Variants in SYN3 observed in about 807,000 individuals in gnomAD.
SYN3 encodes the protein synapsin III.
In SYN3, 35 loss-of-function variants were observed where a neutral mutation model predicts 65.8. The observed-to-expected ratio is 0.53, with a 90% CI of 0.41 to 0.70. The LOEUF (loss-of-function observed/expected upper bound fraction) is 0.70, where lower values mean the gene tolerates loss of function less well. Ranked by LOEUF, SYN3 falls within the 30% of genes least tolerant of loss-of-function variation. The probability of loss-of-function intolerance (pLI) is 0.00; values close to 1 mark genes in which losing one functional copy is unlikely to be tolerated. For synonymous variants in SYN3, 270 were observed against 292.9 expected, an observed-to-expected ratio of 0.92 and a Z score of 0.80; for missense variants, 680 against 749.0, an observed-to-expected ratio of 0.91 and a Z score of 1.08.
chr22:32,641,480 C>T (rs1204973955), intron 6 of SYN3, among the ~76,000 whole-genome samples: 3 of 151,422 alleles, frequency 2.0e-5, no homozygotes, highest in Admixed American at 6.6e-5. Context: ...TGGTGGCGGG[C>T]GCCTGTAGTC....
chr22:32,821,629 G>T (rs1231227351), intron 6 of SYN3, among the ~76,000 whole-genome samples: 1 of 152,246 alleles, frequency 6.6e-6, no homozygotes, highest in East Asian at 1.9e-4. Context: ...TCGGATGGAA[G>T]AGCGGAGGCC....
chr22:32,617,396 A>G (rs2059535435), intron 6 of SYN3, among the ~76,000 whole-genome samples: 1 of 151,736 alleles, frequency 6.6e-6, no homozygotes, highest in Non-Finnish European at 1.5e-5. Flanking sequence ...GAACTGGGCA[A>G]TGGGAATACG....
intron 6 of SYN3, among the ~76,000 whole-genome samples, chr22:32,851,100 G>A (rs2048205230): frequency 6.6e-6 from 1 of 152,160 alleles, no homozygotes; most frequent in Admixed American, 6.5e-5. Context: ...CCTGGGGAGA[G>A]AAAAATGGGC....
intron 1 of SYN3, among the ~76,000 whole-genome samples, chr22:33,051,881 G>A (rs558628297): frequency 3.3e-5 from 5 of 152,248 alleles, no homozygotes; most frequent in African/African-American, 4.8e-5. Flanking sequence ...ATAACCTGAC[G>A]AGCTCCCCTC....
chr22:32,542,164 A>G (rs2058266228), intron 7 of SYN3, among the ~76,000 whole-genome samples: 1 of 152,180 alleles, frequency 6.6e-6, no homozygotes, highest in Non-Finnish European at 1.5e-5. Context: ...CTGGAAAGCC[A>G]CTGGAAGAGG....
At chr22:32,650,425 C>T (rs925096351) in intron 6 of SYN3, among the ~76,000 whole-genome samples, 1 of 152,026 alleles carries the variant, frequency 6.6e-6, no homozygotes, top group South Asian at 2.1e-4. Flanking sequence ...TACCTCCATG[C>T]CTGGCTAATT....
At chr22:32,993,258 G>T (rs992937688) in intron 2 of SYN3, among the ~76,000 whole-genome samples, 2 of 152,040 alleles carry the variant, frequency 1.3e-5, no homozygotes, top group African/African-American at 2.4e-5. Context: ...CGGGGATCCA[G>T]GGACCCAACA....
chr22:32,551,927 C>T (rs2058421733), intron 7 of SYN3, among the ~76,000 whole-genome samples: 3 of 152,278 alleles, frequency 2.0e-5, no homozygotes, highest in South Asian at 2.1e-4. Flanking sequence ...AATTATACAG[C>T]GGTGATGCTT....
chr22:32,991,190 GA>G (rs1038977584), intron 2 of SYN3, among the ~76,000 whole-genome samples: 50 of 137,946 alleles, frequency 3.6e-4, no homozygotes, highest in Non-Finnish European at 3.8e-4. Context: ...CTCAAAAAAA[GA>G]AAAAAAAAAA....
chr22:32,899,430 C>T (rs534697219), intron 4 of SYN3, among the ~76,000 whole-genome samples: 117 of 152,056 alleles, frequency 7.7e-4, no homozygotes, highest in Non-Finnish European at 9.8e-4. Flanking sequence ...GACTGGGGAA[C>T]GGAGGCGTTA....
chr22:33,019,371 G>A (rs2053524393), intron 1 of SYN3, among the ~76,000 whole-genome samples: 1 of 152,060 alleles, frequency 6.6e-6, no homozygotes, highest in South Asian at 2.1e-4. Flanking sequence ...ACCTGTAACT[G>A]GGAGCACAGG....
intron 6 of SYN3, among the ~76,000 whole-genome samples, chr22:32,842,815 C>T (rs952728859): frequency 6.6e-6 from 1 of 152,008 alleles, no homozygotes; most frequent in African/African-American, 2.4e-5. Context: ...CTGCTGATGG[C>T]GATGACTTCT....
intron 2 of SYN3, among the ~76,000 whole-genome samples, chr22:32,996,837 G>A (rs1157704054): frequency 2.0e-5 from 3 of 152,204 alleles, no homozygotes; most frequent in Admixed American, 1.3e-4. Flanking sequence ...GCTGCCCGGA[G>A]GGCTCCAGCA....
intron 10 of SYN3, among the ~76,000 whole-genome samples, chr22:32,531,905 CTTTTTTT>C (rs5845007): frequency 8.7e-6 from 1 of 115,476 alleles, no homozygotes; most frequent in African/African-American, 3.5e-5. Flanking sequence ...ACTACTTTTA[CTTTTTTT>C]TTTTTTTTTT....
intron 4 of SYN3, among the ~76,000 whole-genome samples, chr22:32,878,584 T>C (rs753393660): frequency 1.3e-5 from 2 of 152,220 alleles, no homozygotes; most frequent in Admixed American, 6.5e-5. Context: ...GGTACCACCA[T>C]GGTTGAGTGA....
intron 6 of SYN3, among the ~76,000 whole-genome samples, chr22:32,850,720 A>C (rs1418384335): frequency 6.6e-6 from 1 of 152,160 alleles, no homozygotes; most frequent in Non-Finnish European, 1.5e-5. Flanking sequence ...TTGCATCCCT[A>C]GCAATTAGGG....
chr22:32,682,145 A>G (rs1199872383), intron 6 of SYN3, among the ~76,000 whole-genome samples: 1 of 127,932 alleles, frequency 7.8e-6, no homozygotes, highest in African/African-American at 2.7e-5. Flanking sequence ...GATATGGGCA[A>G]TGTCTGGAGA....
In SYN3 at chr22:32,869,040, C is replaced by T. The variant is rs759801014; in HGVS notation, c.547G>A (p.Gly183Ser). The change falls in exon 5 of 14, where the codon GGC (glycine) becomes AGC (serine). Residue 183 changes from glycine (G) to serine (S), a missense_variant. Gly to Ser is a moderately conservative substitution (Grantham distance 56). Transcript: ENST00000358763. ...LGEDYRSLVI[G>S]LQYGGLPAVN... ...GCAGGCAGCCCTCCATACTGCAGGCCGATGACCAGGCTGCGGTAGTCTTCC... is the reference window on the plus strand; with the variant it reads ...GCAGGCAGCCCTCCATACTGCAGGCTGATGACCAGGCTGCGGTAGTCTTCC... The T allele has an allele frequency of 3.7e-6, 6 of 1,614,040 alleles. No homozygotes were observed. Among genetic ancestry groups the T allele is most frequent in the South Asian group, 2.2e-5 (2 of 91,078 alleles).
intron 6 of SYN3, among the ~76,000 whole-genome samples, chr22:32,635,639 G>A (rs976726957): frequency 3.3e-5 from 5 of 152,104 alleles, no homozygotes; most frequent in South Asian, 2.1e-4. Flanking sequence ...CTTAGTACTC[G>A]TTGTAGTGCA....
Sources: allele counts gnomAD v4.1 joint callset (sites outside exome capture counted in the v4.1 genomes callset), GRCh38; gene constraint gnomAD v4.1.1; transcripts MANE v1.5; gene names NCBI Gene and HGNC (gene_info 2026-07-23, HGNC 2026-07-21).